The following MAPK9 variants were observed in gnomAD, a reference collection of about 807,000 sequenced individuals.
MAPK9 encodes the protein Jun kinase.
Under a neutral mutation model 57.1 loss-of-function variants are expected in MAPK9, and 30 were observed. The ratio of observed to expected loss-of-function variants is 0.53; its 90% CI spans 0.39 to 0.71. MAPK9 has a LOEUF of 0.71. Ranked by LOEUF, MAPK9 falls within the 30% of genes least tolerant of loss-of-function variation. The pLI, the probability that MAPK9 is intolerant of heterozygous loss-of-function variation, is 0.00. For synonymous variants in MAPK9, 155 were observed against 177.0 expected, an observed-to-expected ratio of 0.88 and a Z score of 0.99; for missense variants, 362 against 521.0, an observed-to-expected ratio of 0.69 and a Z score of 2.97.
At chr5:180,290,169 T>A (rs576007819) in intron 1 of MAPK9, among the ~76,000 whole-genome samples, 3 of 152,232 alleles carry the variant, frequency 2.0e-5, no homozygotes. Context: ...AAATTCCACC[T>A]TCTTCTAGAA....
rs1322291131 is a variant in MAPK9 at position 180,235,801 on chromosome 5, T to C, written c.*583A>G. On this transcript the variant is annotated 3_prime_UTR_variant, in exon 12 of 12. Coordinates refer to ENST00000452135, the MANE Select transcript of MAPK9 (RefSeq NM_002752.5). Reference sequence around the variant, plus strand: ...ATCTAAGAAAAGCTATATATTTTTATTTATTAAATAGATTTAATTATATGT... The same window carrying C: ...ATCTAAGAAAAGCTATATATTTTTACTTATTAAATAGATTTAATTATATGT... 5 of 152,250 alleles carry C rather than the reference T, an allele frequency of 3.3e-5. No homozygotes were observed. Among genetic ancestry groups the C allele is most frequent in the African/African-American group, 9.7e-5 (4 of 41,446 alleles). The allele number at this position is 152,250 out of a possible 1,614,324, so 9.4% of individuals were successfully genotyped here.
chr5:180,272,674 C>T (rs979806244), intron 2 of MAPK9, among the ~76,000 whole-genome samples: 1 of 152,200 alleles, frequency 6.6e-6, no homozygotes, highest in Non-Finnish European at 1.5e-5. Flanking sequence ...TCCATTGTTG[C>T]TGTATGTAGC....
At position 180,247,508 on chromosome 5, in the gene MAPK9, C is replaced by T; in HGVS notation, c.619G>A (p.Asp207Asn). 6.2e-7 allele frequency: 1 copy of T among 1,613,104 alleles called. No homozygotes were observed. The highest frequency in any genetic ancestry group is 2.2e-5 in the East Asian group (1 of 44,888). Residue 207 changes from aspartate to asparagine, a missense_variant and splice_region_variant, in exon 7 of 12, where the codon GAT becomes AAT. This residue lies in a region of MAPK9 where 127 missense variants were observed against 231.7 expected (regional missense o/e 0.55). Coordinates refer to ENST00000452135, the MANE Select transcript of MAPK9 (RefSeq NM_002752.5). This position sits in a 1 kb window ranked among gnomAD's most constrained non-coding sequence, Gnocchi z 4.5. ...ILGMGYKENVDIWSVGCIMGE... is the reference protein window; with the variant it reads ...ILGMGYKENVNIWSVGCIMGE... ...ATGATGCAACCCACTGACCAGATAT[C>T]AACTGAAAATAAAATGAAATGATAA...
At chr5:180,246,060 T>C (rs1191906131) in intron 7 of MAPK9, 1 of 152,206 alleles carries the variant, frequency 6.6e-6, no homozygotes, top group East Asian at 1.9e-4. Context: ...CTTACTAAAA[T>C]GCACCAAAAA....
In MAPK9 at chr5:180,280,288, A is replaced by G. The variant is rs1762207546; in HGVS notation, c.122+152T>C. ...TTTGTACCCTACAGCCTGACTACAC[A>G]GAACTAGAGCAAGCAGTTGATTCAA... On this transcript the variant is annotated intron_variant, in intron 2 of 11. Transcript: ENST00000452135. The G allele has an allele frequency of 4.0e-6, 4 of 998,810 alleles. No individual in the cohort carries two copies. The Admixed American group carries it at 8.5e-5, about 21-fold the overall frequency. 61.9% of individuals were successfully genotyped at this position (998,810 alleles called of 1,614,324 possible). A position where few individuals can be genotyped will look rare whatever the true frequency, so the allele number is the denominator to read the frequency against.
chr5:180,280,726 A>G, intron 1 of MAPK9, 118 bp from the exon 2 acceptor site: 3 of 744,126 alleles, frequency 4.0e-6, no homozygotes, highest in Non-Finnish European at 5.9e-6. Flanking sequence ...GATAAAGTCA[A>G]TCTGACCAAG....
intron 5 of MAPK9, among the ~76,000 whole-genome samples, chr5:180,255,561 C>G (rs549524413): frequency 1.3e-5 from 2 of 152,016 alleles, no homozygotes; most frequent in Non-Finnish European, 2.9e-5. Context: ...AACTACCCCC[C>G]AAAACAAACA....
chr5:180,236,679 C>T (rs1415735531), intron 11 of MAPK9, 153 bp from the exon 12 acceptor site: 1 of 662,348 alleles, frequency 1.5e-6, no homozygotes, highest in Admixed American at 3.2e-5. Context: ...GCTGGACTTT[C>T]TGAACTTTTC....
At chr5:180,258,205 C>T (rs1364010055) in intron 5 of MAPK9, 2 of 152,196 alleles carry the variant, frequency 1.3e-5, no homozygotes, top group Non-Finnish European at 2.9e-5. Context: ...TAAAAGAACT[C>T]ACAGTGGGGA....
At position 180,275,631 on chromosome 5, in the gene MAPK9, C is replaced by A. The variant is rs75097725; in HGVS notation, c.122+4809G>T. ...CCCAGATCCTGACCTAGTAACTCCT[C>A]ACTAACTTACTAGCTCTCTAGGGGA... On this transcript the variant is annotated intron_variant, in intron 2 of 11. Coordinates refer to ENST00000452135, the MANE Select transcript of MAPK9 (RefSeq NM_002752.5). Among the ~76,000 whole-genome samples the A allele has an allele frequency of 3.3e-3, 503 of 152,346 alleles. 1 individual carries two copies. The highest frequency in any genetic ancestry group is 0.014 in the Middle Eastern group (4 of 294).
intron 5 of MAPK9, among the ~76,000 whole-genome samples, chr5:180,252,550 A>G (rs1758823986): frequency 6.6e-6 from 1 of 151,822 alleles, no homozygotes; most frequent in African/African-American, 2.4e-5. Context: ...TTTTTGATTT[A>G]CTATCTTGGG....
intron 5 of MAPK9, among the ~76,000 whole-genome samples, chr5:180,249,536 A>C (rs1758459091): frequency 6.6e-6 from 1 of 150,504 alleles, no homozygotes; most frequent in Non-Finnish European, 1.5e-5. Context: ...TCCAGCACAC[A>C]CGGCCCCCTC....
At position 180,264,889 on chromosome 5, in the gene MAPK9, C is replaced by T. The variant is rs372091234; in HGVS notation, c.253-50G>A. The stretch of plus-strand genomic sequence containing the variant: ...TTCAATATGTCAGATTACTTGATTA[C>T]AAAAATTAAGTTTAATATTGAAATG... On this transcript the variant is annotated intron_variant, in intron 3 of 11. Coordinates refer to ENST00000452135, the MANE Select transcript of MAPK9 (RefSeq NM_002752.5). 32 of 1,408,996 alleles carry T rather than the reference C, an allele frequency of 2.3e-5. No homozygotes were observed. The Admixed American group carries it at 3.3e-4, about 15-fold the overall frequency. The allele number at this position is 1,408,996 out of a possible 1,614,324, so 87.3% of individuals were successfully genotyped here.
intron 2 of MAPK9, among the ~76,000 whole-genome samples, chr5:180,276,141 T>C (rs1761795107): frequency 6.6e-6 from 1 of 152,236 alleles, no homozygotes; most frequent in Non-Finnish European, 1.5e-5. Flanking sequence ...TCAAACCATG[T>C]CTCCTTTATC....
rs1490035028 is a variant in MAPK9, at chr5:180,249,096, G to A, written c.493C>T (p.Leu165=). Residue 165 remains leucine, a synonymous_variant, in exon 6 of 12, where the codon CTG becomes TTG. Transcript: ENST00000452135. ...SNIVVKSDCT[L]KILDFGLART... ...GCCAGGCCAAAGTCAAGGATCTTCA[G>A]GGTGCAGTCTGATTTCACAACAATG... 1.2e-6 allele frequency: 2 copies of A among 1,613,858 alleles called. No homozygotes were observed. Among genetic ancestry groups the A allele is most frequent in the East Asian group, 2.2e-5 (1 of 44,872 alleles).
chr5:180,245,499 T>C (rs1171453005), intron 7 of MAPK9, among the ~76,000 whole-genome samples: 1 of 152,152 alleles, frequency 6.6e-6, no homozygotes, highest in Non-Finnish European at 1.5e-5. Context: ...TTAAACCAGT[T>C]GTGAGAGGAG....
intron 2 of MAPK9, among the ~76,000 whole-genome samples, chr5:180,272,601 A>G (rs955908798): frequency 1.3e-5 from 2 of 151,924 alleles, no homozygotes; most frequent in African/African-American, 4.8e-5. Context: ...CTCCCAGTTT[A>G]TTTTTGCCTG....
At chr5:180,246,660 G>GT (rs1477465564) in intron 7 of MAPK9, 1 of 152,152 alleles carries the variant, frequency 6.6e-6, no homozygotes, top group Non-Finnish European at 1.5e-5. Context: ...CCATGTTAGG[G>GT]TAAAAAATAC....
At chr5:180,241,989 T>A (rs1757708726) in intron 8 of MAPK9, among the ~76,000 whole-genome samples, 1 of 149,234 alleles carries the variant, frequency 6.7e-6, no homozygotes, top group South Asian at 2.1e-4. Flanking sequence ...CAACTTACAC[T>A]TTTTTTTTTA....
Sources: allele counts gnomAD v4.1 joint callset (sites outside exome capture counted in the v4.1 genomes callset), GRCh38; gene constraint gnomAD v4.1.1; regional missense constraint gnomAD v4.1.1; non-coding constraint Gnocchi (gnomAD v3.1); transcripts MANE v1.5; gene names NCBI Gene and HGNC (gene_info 2026-07-23, HGNC 2026-07-21).